Variants in TSPAN18 observed in about 807,000 individuals in gnomAD.
The protein encoded by TSPAN18 is tetraspanin-18.
A neutral mutation model predicts 27.3 loss-of-function variants in TSPAN18; 14 were observed. The observed-to-expected ratio is 0.51, with a 90% CI of 0.34 to 0.80. The LOEUF is 0.80. TSPAN18 is among the 30% of genes least tolerant of loss of function. The pLI, the probability that TSPAN18 is intolerant of heterozygous loss-of-function variation, is 0.01. For synonymous variants in TSPAN18, 143 were observed against 136.5 expected, an observed-to-expected ratio of 1.05 and a Z score of -0.33; for missense variants, 268 against 323.9, an observed-to-expected ratio of 0.83 and a Z score of 1.32.
Position 44,768,833 on chromosome 11 carries a change from T to A in TSPAN18, c.-153+4321T>A, listed in dbSNP as rs112528764. 3.0e-3 allele frequency among the ~76,000 whole-genome samples: 452 copies of A among 152,268 alleles called. 2 individuals are homozygous for A. The highest frequency in any genetic ancestry group is 9.0e-3 in the African/African-American group (374 of 41,546). ...TGTCAAATGCTTTTTCTGCATTTAT[T>A]GATATGATCCTGCAATTTTTCTTCA... On this transcript the variant is annotated intron_variant, in intron 2 of 9. Transcript: ENST00000520358.
At chr11:44,830,913 A>G (rs187269020) in intron 2 of TSPAN18, among the ~76,000 whole-genome samples, 235 of 152,268 alleles carry the variant, frequency 1.5e-3, no homozygotes, top group Non-Finnish European at 3.0e-3. Flanking sequence ...ATGTTTTCCA[A>G]TTGTTGAAAA....
chr11:44,786,279 CAG>C (rs1376019622), intron 2 of TSPAN18, among the ~76,000 whole-genome samples: 1 of 152,210 alleles, frequency 6.6e-6, no homozygotes, highest in East Asian at 1.9e-4. Flanking sequence ...TGGTAAGTGA[CAG>C]AGCACAGCAG....
At chr11:44,805,988 T>G (rs1856584323) in intron 2 of TSPAN18, among the ~76,000 whole-genome samples, 1 of 151,756 alleles carries the variant, frequency 6.6e-6, no homozygotes, top group Non-Finnish European at 1.5e-5. Context: ...CCATATAAGG[T>G]CGCATGCAGA....
chr11:44,770,238 A>G (rs1039860130), intron 2 of TSPAN18, among the ~76,000 whole-genome samples: 4 of 152,336 alleles, frequency 2.6e-5, no homozygotes, highest in South Asian at 2.1e-4. Context: ...ATTAGGTGCT[A>G]TGAAGTTCAA....
Position 44,862,013 on chromosome 11 carries a change from TC to T in TSPAN18, c.-11+1550del, listed in dbSNP as rs1350509471. 2.6e-5 allele frequency among the ~76,000 whole-genome samples: 4 copies of T among 152,038 alleles called. No individual in the cohort carries two copies. The East Asian group carries it at 5.8e-4, about 22-fold the overall frequency. On this transcript the variant is annotated intron_variant, in intron 3 of 9. Coordinates refer to ENST00000520358, the MANE Select transcript of TSPAN18 (RefSeq NM_130783.5). ...CTCGCCGGGAAGGCCTGTTCCTTTTTCCCCCCACCTCCACTCCTTCATGGCT... is the reference window on the plus strand; with the variant it reads ...CTCGCCGGGAAGGCCTGTTCCTTTTTCCCCCACCTCCACTCCTTCATGGCT...
At chr11:44,787,745 G>A (rs1355604458) in intron 2 of TSPAN18, among the ~76,000 whole-genome samples, 2 of 152,208 alleles carry the variant, frequency 1.3e-5, no homozygotes, top group Non-Finnish European at 2.9e-5. Flanking sequence ...CAAAAGCCAG[G>A]GATCTGGCTG....
rs547060171 is a variant in TSPAN18 at position 44,832,981 on chromosome 11, G to A, written c.-152-27347G>A. On this transcript the variant is annotated intron_variant, in intron 2 of 9. Coordinates refer to ENST00000520358, the MANE Select transcript of TSPAN18 (RefSeq NM_130783.5). ...TCCTTCTCTGTGCCTTTGCCCACACGCTGTCCTCTCCTGGGAATGCCCTTC... is the reference window on the plus strand; with the variant it reads ...TCCTTCTCTGTGCCTTTGCCCACACACTGTCCTCTCCTGGGAATGCCCTTC... Among the ~76,000 whole-genome samples the A allele has an allele frequency of 4.6e-5, 7 of 152,116 alleles. No individual in the cohort carries two copies. The East Asian group carries it at 1.4e-3, about 29-fold the overall frequency.
At chr11:44,828,961 C>T (rs1373359682) in intron 2 of TSPAN18, among the ~76,000 whole-genome samples, 1 of 152,150 alleles carries the variant, frequency 6.6e-6, no homozygotes, top group Non-Finnish European at 1.5e-5. Context: ...TCTACTCTTG[C>T]CCCTCTCATC....
intron 5 of TSPAN18, among the ~76,000 whole-genome samples, chr11:44,915,511 G>C (rs1364428566): frequency 6.6e-6 from 1 of 152,190 alleles, no homozygotes; most frequent in African/African-American, 2.4e-5. Context: ...CCTGACCTCA[G>C]CTGGAGGTCA....
intron 2 of TSPAN18, among the ~76,000 whole-genome samples, chr11:44,848,743 T>C (rs1857536693): frequency 6.6e-6 from 1 of 152,216 alleles, no homozygotes; most frequent in Non-Finnish European, 1.5e-5. Context: ...AGCTGCCTCC[T>C]GGAGTCTGTG....
chr11:44,805,390 G>A (rs116850445), intron 2 of TSPAN18, among the ~76,000 whole-genome samples: 2,650 of 152,314 alleles, frequency 0.017, 185 homozygotes, highest in Admixed American at 0.13. Flanking sequence ...TGCTTCCACA[G>A]AGGCATTCTC....
At chr11:44,760,834 G>A (rs10838352) in intron 1 of TSPAN18, among the ~76,000 whole-genome samples, 20,895 of 152,104 alleles carry the variant, frequency 0.14, 2,743 homozygotes, top group East Asian at 0.71. Context: ...CTAAAACCAG[G>A]ATGCATTGTG....
At chr11:44,882,249 CCTTGGAACTTCCT>C (rs1189568168) in intron 3 of TSPAN18, among the ~76,000 whole-genome samples, 1 of 152,162 alleles carries the variant, frequency 6.6e-6, no homozygotes, top group Non-Finnish European at 1.5e-5. Context: ...TGTCCCTGCC[CCTTGGAACTTCCT>C]CTTCCTTAAT....
At chr11:44,924,097 T>TTG (rs57394106) in intron 8 of TSPAN18, among the ~76,000 whole-genome samples, 2,013 of 145,860 alleles carry the variant, frequency 0.014, 20 homozygotes, top group Middle Eastern at 0.024. Flanking sequence ...CCTTCTGGGG[T>TTG]TGTGTGTGTG....
intron 2 of TSPAN18, among the ~76,000 whole-genome samples, chr11:44,769,622 T>A (rs763121625): frequency 7.2e-5 from 11 of 152,214 alleles, no homozygotes; most frequent in Non-Finnish European, 1.6e-4. Context: ...ATTGTGTCTT[T>A]CTAGGAATTG....
chr11:44,772,073 C>T (rs56324272), intron 2 of TSPAN18, among the ~76,000 whole-genome samples: 3,006 of 152,270 alleles, frequency 0.02, 46 homozygotes, highest in Non-Finnish European at 0.032. Flanking sequence ...GGTGAAGTTT[C>T]CTCTTACTCA....
chr11:44,895,297 T>C (rs907842587), intron 3 of TSPAN18, among the ~76,000 whole-genome samples: 12 of 152,202 alleles, frequency 7.9e-5, no homozygotes, highest in African/African-American at 2.9e-4. Context: ...ATTTCCAATA[T>C]CTGATGCTGC....
At chr11:44,764,039 A>G (rs1423872063) in intron 1 of TSPAN18, among the ~76,000 whole-genome samples, 1 of 152,178 alleles carries the variant, frequency 6.6e-6, no homozygotes, top group Non-Finnish European at 1.5e-5. Flanking sequence ...AGATAGGGAC[A>G]GGAGAAAGAG....
chr11:44,928,137 A>G (rs1261460497), intron 9 of TSPAN18, among the ~76,000 whole-genome samples: 1 of 152,136 alleles, frequency 6.6e-6, no homozygotes, highest in Non-Finnish European at 1.5e-5. Flanking sequence ...GGCCGTGAGA[A>G]CATCAGCAAA....
Sources: allele counts gnomAD v4.1 joint callset (sites outside exome capture counted in the v4.1 genomes callset), GRCh38; gene constraint gnomAD v4.1.1; transcripts MANE v1.5; gene names NCBI Gene and HGNC (gene_info 2026-07-23, HGNC 2026-07-21).